Variants in UEVLD observed in about 807,000 individuals in gnomAD.
The protein encoded by UEVLD is ubiquitin-conjugating enzyme E2 variant 3.
A neutral mutation model predicts 58.6 loss-of-function variants in UEVLD; 47 were observed. The ratio of observed to expected loss-of-function variants is 0.80; its 90% CI spans 0.63 to 1.02. The LOEUF (loss-of-function observed/expected upper bound fraction) is 1.02. UEVLD is among the 50% of genes least tolerant of loss of function. The pLI is 0.00. For synonymous variants in UEVLD, 197 were observed against 195.3 expected, an observed-to-expected ratio of 1.01 and a Z score of -0.07; for missense variants, 510 against 550.6, an observed-to-expected ratio of 0.93 and a Z score of 0.74.
chr11:18,541,699 A>T (rs1202127801), intron 9 of UEVLD, among the ~76,000 whole-genome samples: 1 of 152,250 alleles, frequency 6.6e-6, no homozygotes, highest in Admixed American at 6.5e-5. Context: ...ATCACTGTGA[A>T]GTGATGTGAT....
chr11:18,552,786 A>G (rs937092050), intron 7 of UEVLD, among the ~76,000 whole-genome samples: 20 of 152,018 alleles, frequency 1.3e-4, no homozygotes, highest in African/African-American at 4.3e-4. Flanking sequence ...GCTTGAACCC[A>G]GGAGGTGAAG....
In UEVLD at chr11:18,530,480, C is replaced by T. The variant is rs1850521983; in HGVS notation, c.*1840G>A. 1 of 152,124 alleles carries T rather than the reference C, an allele frequency of 6.6e-6. No homozygotes were observed. The allele number at this position is 152,124 out of a possible 1,614,324, so 9.4% of individuals were successfully genotyped here. ...AAAACAGCATTAGTTTGCCTATTTC[C>T]TCTTTACTAGGATGTGTCTGCCCTT... On this transcript the variant is annotated 3_prime_UTR_variant, in exon 12 of 12. Coordinates refer to ENST00000396197, the MANE Select transcript of UEVLD (RefSeq NM_001040697.4).
chr11:18,565,065 G>A, intron 5 of UEVLD, 55 bp from the exon 6 acceptor site: 74 of 1,357,306 alleles, frequency 5.5e-5, no homozygotes, highest in Non-Finnish European at 7.6e-5. Flanking sequence ...AATTTTTTTA[G>A]GATCTTTAAA....
intron 11 of UEVLD, among the ~76,000 whole-genome samples, 169 bp downstream of exon 11, chr11:18,534,161 A>G (rs1458963023): frequency 1.3e-5 from 2 of 152,208 alleles, no homozygotes; most frequent in African/African-American, 2.4e-5. Flanking sequence ...CAGACTTCTC[A>G]TAGCTAAGCA....
chr11:18,535,946 C>T (rs1387039149), intron 10 of UEVLD, among the ~76,000 whole-genome samples: 1 of 152,174 alleles, frequency 6.6e-6, no homozygotes, highest in African/African-American at 2.4e-5. Flanking sequence ...ACCATCCTGA[C>T]CAACATGGTG....
chr11:18,574,981 G>C (rs142564538), intron 3 of UEVLD, among the ~76,000 whole-genome samples: 2,670 of 152,248 alleles, frequency 0.018, 67 homozygotes, highest in African/African-American at 0.06. Context: ...TGGTAGTAGG[G>C]GGTTTGTGAT....
rs145003650 is a variant in UEVLD, at chr11:18,576,121, C to T, written c.128-709G>A. On this transcript the variant is annotated intron_variant, in intron 2 of 11. Coordinates refer to ENST00000396197, the MANE Select transcript of UEVLD (RefSeq NM_001040697.4). The stretch of plus-strand genomic sequence containing the variant: ...TGTTCCTTCCTGGGCATAGGCTGAA[C>T]TCACTTTGGGAAGAACTTAATTTAT... Among the ~76,000 whole-genome samples the T allele has an allele frequency of 2.6e-5, 4 of 152,328 alleles. No homozygotes were observed. The East Asian group carries it at 5.8e-4, about 22-fold the overall frequency.
At position 18,545,006 on chromosome 11, in the gene UEVLD, G is replaced by A. The variant is rs567443386; in HGVS notation, c.887-210C>T. On this transcript the variant is annotated intron_variant, in intron 8 of 11. Transcript: ENST00000396197. The stretch of plus-strand genomic sequence containing the variant: ...CATACATACACACATATATATACAC[G>A]TATGTATATATACGTGTATATATGT... Among the ~76,000 whole-genome samples the A allele has an allele frequency of 2.8e-4, 41 of 145,242 alleles. No individual in the cohort carries two copies. The East Asian group carries it at 4.6e-3, about 16-fold the overall frequency.
chr11:18,542,914 A>G (rs1253468116), intron 9 of UEVLD, among the ~76,000 whole-genome samples: 1 of 69,090 alleles, frequency 1.4e-5, no homozygotes, highest in Non-Finnish European at 2.9e-5. Flanking sequence ...TTTCTTTGAG[A>G]CTAAGTCTCA....
chr11:18,534,313 A>G lies in UEVLD; in HGVS notation c.1248+17T>C, dbSNP rs1413818024. On this transcript the variant is annotated intron_variant, in intron 11 of 11. Transcript: ENST00000396197. ...TCTAAGTTTAAAATATAATAAGAGA[A>G]TAAGAATAGCAATTACCTTTGCTAA... The G allele has an allele frequency of 3.4e-6, 5 of 1,485,642 alleles. No individual in the cohort carries two copies. The highest frequency in any genetic ancestry group is 2.6e-5 in the Admixed American group (1 of 38,754). 92.0% of individuals were successfully genotyped at this position (1,485,642 alleles called of 1,614,324 possible).
At chr11:18,574,429 C>T (rs918611151) in intron 3 of UEVLD, among the ~76,000 whole-genome samples, 6 of 152,322 alleles carry the variant, frequency 3.9e-5, no homozygotes, top group Admixed American at 3.9e-4. Context: ...TGAGCCACCA[C>T]ACCCGGCAAG....
At chr11:18,581,348 G>C (rs925136698) in intron 1 of UEVLD, among the ~76,000 whole-genome samples, 1 of 152,000 alleles carries the variant, frequency 6.6e-6, no homozygotes, top group African/African-American at 2.4e-5. Context: ...CTCTGGAGAA[G>C]CTGAATCTAC....
rs552758643 is a variant in UEVLD, at chr11:18,545,020, G to A, written c.887-224C>T. 2.0e-4 allele frequency among the ~76,000 whole-genome samples: 29 copies of A among 146,024 alleles called. No homozygotes were observed. In the East Asian group the frequency reaches 4.6e-3, roughly 23 times the overall value. On this transcript the variant is annotated intron_variant, in intron 8 of 11. Transcript: ENST00000396197. Reference sequence around the variant, plus strand: ...TATATATACACGTATGTATATATACGTGTATATATGTGTGTGTATATCTAT... The same window carrying A: ...TATATATACACGTATGTATATATACATGTATATATGTGTGTGTATATCTAT...
intron 7 of UEVLD, among the ~76,000 whole-genome samples, chr11:18,555,985 G>C (rs7109314): frequency 0.18 from 27,264 of 152,036 alleles, 2,863 homozygotes; most frequent in East Asian, 0.41. Flanking sequence ...TTAATAAGGG[G>C]AACATGAATG....
At chr11:18,559,879 T>C (rs998936324) in intron 6 of UEVLD, among the ~76,000 whole-genome samples, 3 of 152,084 alleles carry the variant, frequency 2.0e-5, no homozygotes, top group Non-Finnish European at 2.9e-5. Flanking sequence ...AGTAGGAGAC[T>C]TGAAGATATC....
At chr11:18,557,950 T>G (rs1389395857) in intron 7 of UEVLD, among the ~76,000 whole-genome samples, 2 of 152,196 alleles carry the variant, frequency 1.3e-5, no homozygotes, top group Non-Finnish European at 2.9e-5. Flanking sequence ...AGAGATAAAT[T>G]TATTTTGAGG....
At position 18,561,678 on chromosome 11, in the gene UEVLD, C is replaced by T. The variant is rs535883813; in HGVS notation, c.612+3214G>A. Among the ~76,000 whole-genome samples the T allele has an allele frequency of 7.9e-5, 12 of 152,126 alleles. No homozygotes were observed. The South Asian group carries it at 2.5e-3, about 32-fold the overall frequency. On this transcript the variant is annotated intron_variant, in intron 6 of 11. Coordinates refer to ENST00000396197, the MANE Select transcript of UEVLD (RefSeq NM_001040697.4). ...CCAACATGGTGAAACCCCGTCTCTA[C>T]TAAAAATACAAAAATTACCCAGGTG...
intron 7 of UEVLD, among the ~76,000 whole-genome samples, chr11:18,556,307 G>A (rs549328677): frequency 2.6e-5 from 4 of 152,268 alleles, no homozygotes; most frequent in African/African-American, 9.6e-5. Flanking sequence ...GTTCCCCAAA[G>A]AACTTCTACA....
intron 3 of UEVLD, among the ~76,000 whole-genome samples, chr11:18,573,425 CG>C (rs1181642309): frequency 6.6e-6 from 1 of 152,110 alleles, no homozygotes; most frequent in African/African-American, 2.4e-5. Flanking sequence ...TTCTTTTCAA[CG>C]TCTAACCAAG....
Sources: gnomAD v4.1 joint callset for allele counts (sites outside exome capture counted in the v4.1 genomes callset) on GRCh38, gnomAD v4.1.1 for gene constraint, MANE v1.5 for transcripts, NCBI Gene and HGNC (gene_info 2026-07-23, HGNC 2026-07-21) for gene names.